Variants in SERP1 observed in about 807,000 individuals in gnomAD.
SERP1 encodes stress-associated endoplasmic reticulum protein 1.
Under a neutral mutation model 8.8 loss-of-function variants are expected in SERP1, and 6 were observed. That is an observed-to-expected ratio of 0.68 (90% CI 0.37 to 1.35). The LOEUF is 1.35. Among genes scored for constraint, SERP1 ranks in the 40% most tolerant of loss-of-function variants. The pLI is 0.02. For synonymous variants in SERP1, 36 were observed against 28.7 expected (o/e 1.25, Z -0.81); for missense variants, 52 against 86.2 (o/e 0.60, Z 1.57).
rs943090141 is a variant in SERP1 at position 150,546,494 on chromosome 3, T to A, written c.-359A>T. On this transcript the variant is annotated 5_prime_UTR_variant, in exon 1 of 3. Transcript: ENST00000239944. ...GGGAATGTGCAGCCCGCCGCCTCGATCTACTTTGGGTTCGGCTGCCAACGT... is the reference window on the plus strand; with the variant it reads ...GGGAATGTGCAGCCCGCCGCCTCGAACTACTTTGGGTTCGGCTGCCAACGT... 5 of 571,130 alleles carry A rather than the reference T, an allele frequency of 8.8e-6. No individual in the cohort carries two copies. The highest frequency in any genetic ancestry group is 2.2e-5 in the South Asian group (1 of 45,874). The allele number at this position is 571,130 out of a possible 1,614,324, so 35.4% of individuals were successfully genotyped here. A position where few individuals can be genotyped will look rare whatever the true frequency, so the allele number is the denominator to read the frequency against.
chr3:150,546,038 C>T lies in SERP1; in HGVS notation c.84+14G>A, dbSNP rs148708730. On this transcript the variant is annotated intron_variant, in intron 1 of 2. Coordinates refer to ENST00000239944, the MANE Select transcript of SERP1 (RefSeq NM_014445.4). ...CGGCTGCGGAACGCAGAGGGGCGCC[C>T]GCTCTTTCCTTACCGAGGTCTTGGC... The T allele has an allele frequency of 1.9e-3, 3,101 of 1,613,256 alleles. 54 individuals are homozygous for T. The African/African-American group carries it at 0.036, about 19-fold the overall frequency.
chr3:150,544,233 T>G lies in SERP1; in HGVS notation c.*225A>C, dbSNP rs1257490913. On this transcript the variant is annotated 3_prime_UTR_variant, in exon 3 of 3. Coordinates refer to ENST00000239944, the MANE Select transcript of SERP1 (RefSeq NM_014445.4). ...CACTACTGTATCTTAACAATCAAAT[T>G]TTATTGCTTTATTCATGTGGTGTTT... 5.7e-6 allele frequency: 3 copies of G among 526,562 alleles called. No homozygotes were observed. Among genetic ancestry groups the G allele is most frequent in the Non-Finnish European group, 1.0e-5 (3 of 292,530 alleles). 32.6% of individuals were successfully genotyped at this position (526,562 alleles called of 1,614,324 possible). A position where few individuals can be genotyped will look rare whatever the true frequency, so the allele number is the denominator to read the frequency against.
rs1007385182 is a variant in SERP1, at chr3:150,546,032, G to T, written c.84+20C>A. ...CAGCTCCGGCTGCGGAACGCAGAGG[G>T]GCGCCCGCTCTTTCCTTACCGAGGT... On this transcript the variant is annotated intron_variant, in intron 1 of 2. Transcript: ENST00000239944. 2 of 1,613,040 alleles carry T rather than the reference G, an allele frequency of 1.2e-6. No homozygotes were observed. Among genetic ancestry groups the T allele is most frequent in the African/African-American group, 1.3e-5 (1 of 75,060 alleles).
intron 2 of SERP1, 57 bp from the exon 3 acceptor site, chr3:150,544,555 CT>C: frequency 2.2e-6 from 3 of 1,374,550 alleles, no homozygotes; most frequent in Non-Finnish European, 3.1e-6. Context: ...GGTCTGGTGT[CT>C]AACAAATATT....
At chr3:150,545,961 G>C in intron 1 of SERP1, 91 bp downstream of exon 1, 4 of 1,539,908 alleles carry the variant, frequency 2.6e-6, no homozygotes, top group Non-Finnish European at 3.6e-6. Context: ...GCCCACGGTC[G>C]GCCGGATCCG....
chr3:150,544,578 C>G, intron 2 of SERP1, 80 bp from the exon 3 acceptor site: 2 of 1,161,382 alleles, frequency 1.7e-6, no homozygotes, highest in Non-Finnish European at 2.6e-6. Flanking sequence ...ATTAAGGTAG[C>G]TGAAGAATCC....
rs1028670343 is a variant in SERP1 at position 150,542,921 on chromosome 3, A to G, written c.*1537T>C. The G allele has an allele frequency of 3.3e-5, 5 of 152,640 alleles. No homozygotes were observed. The highest frequency in any genetic ancestry group is 7.2e-5 in the African/African-American group (3 of 41,468). The allele number at this position is 152,640 out of a possible 1,614,324, so 9.5% of individuals were successfully genotyped here. ...GATTAACTGGGTGAGAAAGGCAAGT[A>G]ACAATTTAGTTAAAAACCTGCTGGC... On this transcript the variant is annotated 3_prime_UTR_variant, in exon 3 of 3. Coordinates refer to ENST00000239944, the MANE Select transcript of SERP1 (RefSeq NM_014445.4).
chr3:150,545,013 GAAAAC>G (rs1340706152), intron 2 of SERP1, among the ~76,000 whole-genome samples: 3 of 152,176 alleles, frequency 2.0e-5, no homozygotes, highest in Admixed American at 2.0e-4. Context: ...TTAGAATGTG[GAAAAC>G]AAACATCTAC....
At position 150,546,166 on chromosome 3, in the gene SERP1, C is replaced by CCG. The variant is rs1232999236; in HGVS notation, c.-32_-31insCG. 1 of 1,609,034 alleles carries CCG rather than the reference C, an allele frequency of 6.2e-7. No individual in the cohort carries two copies. The highest frequency in any genetic ancestry group is 1.7e-5 in the Admixed American group (1 of 59,994). ...CGGCGCCACCACCTGCCCCGGCCAC[C>CCG]CCTCGGACTCGCTCACTCGCCTGCC... On this transcript the variant is annotated 5_prime_UTR_variant, in exon 1 of 3. Coordinates refer to ENST00000239944, the MANE Select transcript of SERP1 (RefSeq NM_014445.4).
intron 1 of SERP1, 88 bp downstream of exon 1, chr3:150,545,964 C>T (rs1722990721): frequency 1.3e-6 from 2 of 1,552,646 alleles, no homozygotes; most frequent in South Asian, 1.1e-5. Context: ...CACGGTCGGC[C>T]GGATCCGGGA....
At chr3:150,545,865 C>T (rs1722986597) in intron 1 of SERP1, 87 bp from the exon 2 acceptor site, 1 of 1,428,750 alleles carries the variant, frequency 7.0e-7, no homozygotes, top group African/African-American at 1.4e-5. Context: ...CGCCGGCCCC[C>T]TCACCTCACA....
chr3:150,546,442 A>T lies in SERP1; in HGVS notation c.-307T>A. The T allele has an allele frequency of 1.8e-6, 1 of 555,072 alleles. No homozygotes were observed. The highest frequency in any genetic ancestry group is 3.2e-6 in the Non-Finnish European group (1 of 316,776). 34.4% of individuals were successfully genotyped at this position (555,072 alleles called of 1,614,324 possible). ...GGCCGCCGCCGTGAGCGCGGAGTGA[A>T]AGAGGAAGGAAACGCAACGCAACAA... On this transcript the variant is annotated 5_prime_UTR_variant, in exon 1 of 3. Transcript: ENST00000239944.
chr3:150,544,391 T>G lies in SERP1; in HGVS notation c.*67A>C. The stretch of plus-strand genomic sequence containing the variant: ...TACTGAATTGTTTTCAACCAGGGTA[T>G]CAAACATCAGGAATGAGTTCAAGTT... On this transcript the variant is annotated 3_prime_UTR_variant, in exon 3 of 3. Transcript: ENST00000239944. The G allele has an allele frequency of 7.3e-7, 1 of 1,375,156 alleles. No individual in the cohort carries two copies. The highest frequency in any genetic ancestry group is 1.0e-6 in the Non-Finnish European group (1 of 963,672). 85.2% of individuals were successfully genotyped at this position (1,375,156 alleles called of 1,614,324 possible).
In SERP1 at chr3:150,542,320, T is replaced by C. The variant is rs1048449972; in HGVS notation, c.*2138A>G. 5 of 152,234 alleles carry C rather than the reference T, an allele frequency of 3.3e-5. No homozygotes were observed. The highest frequency in any genetic ancestry group is 7.3e-5 in the Non-Finnish European group (5 of 68,028). 9.4% of individuals were successfully genotyped at this position (152,234 alleles called of 1,614,324 possible). A position where few individuals can be genotyped will look rare whatever the true frequency, so the allele number is the denominator to read the frequency against. On this transcript the variant is annotated 3_prime_UTR_variant, in exon 3 of 3. Coordinates refer to ENST00000239944, the MANE Select transcript of SERP1 (RefSeq NM_014445.4). ...GACAAGGAGATTAGGAAATCCTAAG[T>C]GGAAAAATATTCAAATCATTGTGCT...
intron 2 of SERP1, among the ~76,000 whole-genome samples, chr3:150,544,796 T>C (rs568493106): frequency 5.9e-5 from 9 of 152,254 alleles, no homozygotes; most frequent in African/African-American, 2.2e-4. Flanking sequence ...AACAGGTTTT[T>C]CCAGCATAGA....
At position 150,545,701 on chromosome 3, in the gene SERP1, AC is replaced by A; in HGVS notation, c.160+1del. 1 of 1,604,936 alleles carries A rather than the reference AC, an allele frequency of 6.2e-7. No homozygotes were observed. Among genetic ancestry groups the A allele is most frequent in the African/African-American group, 1.3e-5 (1 of 74,892 alleles). The stretch of plus-strand genomic sequence containing the variant: ...CCTGATGGGAGCCCCCAAGCCACTT[AC>A]CAGAACCACAGACAACAAAAATGAA... On this transcript the variant is annotated splice_donor_variant, in intron 2 of 2. Coordinates refer to ENST00000239944, the MANE Select transcript of SERP1 (RefSeq NM_014445.4). LOFTEE classifies it high-confidence loss of function.
rs1040583432 is a variant in SERP1, at chr3:150,546,286, G to A, written c.-151C>T. 1.2e-6 allele frequency: 1 copy of A among 850,022 alleles called. No individual in the cohort carries two copies. The highest frequency in any genetic ancestry group is 1.8e-6 in the Non-Finnish European group (1 of 564,472). 52.7% of individuals were successfully genotyped at this position (850,022 alleles called of 1,614,324 possible). A position where few individuals can be genotyped will look rare whatever the true frequency, so the allele number is the denominator to read the frequency against. On this transcript the variant is annotated 5_prime_UTR_variant, in exon 1 of 3. Coordinates refer to ENST00000239944, the MANE Select transcript of SERP1 (RefSeq NM_014445.4). ...GACGCTAGCTACGGCCGCTGGGCCT[G>A]GGCGCCGCAAGCGCGAGGTCTGAGC...
rs796813108 is a variant in SERP1 at position 150,546,469 on chromosome 3, G to C, written c.-334C>G. ...GAGGAAGGAAACGCAACGCAACAAC[G>C]GGAATGTGCAGCCCGCCGCCTCGAT... On this transcript the variant is annotated 5_prime_UTR_variant, in exon 1 of 3. Transcript: ENST00000239944. 1.8e-6 allele frequency: 1 copy of C among 558,588 alleles called. No individual in the cohort carries two copies. The allele number at this position is 558,588 out of a possible 1,614,324, so 34.6% of individuals were successfully genotyped here.
Position 150,546,349 on chromosome 3 carries a change from G to A in SERP1, c.-214C>T, listed in dbSNP as rs1049947. ...CCGGCCGCCGACTGACTGACCGAGC[G>A]GGGCAGGTGCGCAGGAGGAAGAGAA... On this transcript the variant is annotated 5_prime_UTR_variant, in exon 1 of 3. Transcript: ENST00000239944. 0.37 allele frequency: 219,769 copies of A among 588,746 alleles called. 42,455 individuals carry two copies. Among genetic ancestry groups the A allele is most frequent in the East Asian group, 0.57 (18,771 of 32,694 alleles). 36.5% of individuals were successfully genotyped at this position (588,746 alleles called of 1,614,324 possible). A position where few individuals can be genotyped will look rare whatever the true frequency, so the allele number is the denominator to read the frequency against.
Sources: gnomAD v4.1 joint callset for allele counts (sites outside exome capture counted in the v4.1 genomes callset) on GRCh38, gnomAD v4.1.1 for gene constraint, MANE v1.5 for transcripts, NCBI Gene and HGNC (gene_info 2026-07-23, HGNC 2026-07-21) for gene names.